The following PKHD1 variants were observed in gnomAD, a reference collection of about 807,000 sequenced individuals.
PKHD1 encodes the protein PKHD1 ciliary IPT domain containing fibrocystin/polyductin, also known as fibrocystin.
In PKHD1, 291 loss-of-function variants were observed where a neutral mutation model predicts 412.0. The ratio of observed to expected loss-of-function variants is 0.71; its 90% CI spans 0.64 to 0.78. The LOEUF (loss-of-function observed/expected upper bound fraction) is 0.78, where lower values mean the gene tolerates loss of function less well. Ranked by LOEUF, PKHD1 falls within the 30% of genes least tolerant of loss-of-function variation. The pLI, the probability that PKHD1 is intolerant of heterozygous loss-of-function variation, is 0.00. For missense variants in PKHD1, 4,825 were observed against 4,950.7 expected, an observed-to-expected ratio of 0.97 and a Z score of 0.76; for synonymous variants, 1,777 against 1,821.5, an observed-to-expected ratio of 0.98 and a Z score of 0.62.
chr6:52,079,953 C>T lies in PKHD1; in HGVS notation c.337G>A (p.Gly113Arg). ...GLYFLEAYFG[G>R]QLVSSPNPGP... ...GGATTTGGACTGCTTACCAGCTGTC[C>T]CCCGAAGTATGCTTCCAGGAAGTAC... Residue 113 changes from glycine (G) to arginine (R), a missense_variant, in exon 5 of 67, where the codon GGA (glycine) becomes AGA (arginine). Coordinates refer to ENST00000371117, the MANE Select transcript of PKHD1 (RefSeq NM_138694.4). 1 of 1,612,358 alleles carries T rather than the reference C, an allele frequency of 6.2e-7. No individual in the cohort carries two copies. Among genetic ancestry groups the T allele is most frequent in the Non-Finnish European group, 8.5e-7 (1 of 1,178,490 alleles).
At chr6:51,960,169 A>C in intron 35 of PKHD1, 143 bp from the exon 36 acceptor site, 1 of 751,146 alleles carries the variant, frequency 1.3e-6, no homozygotes, top group Non-Finnish European at 2.3e-6. Context: ...TCAAAATAGA[A>C]ACTTCTCAAA....
In PKHD1 at chr6:52,042,892, C is replaced by G. The variant is rs1257425837; in HGVS notation, c.3064G>C (p.Asp1022His). Residue 1022 changes from aspartate to histidine, a missense_variant, in exon 27 of 67, where the codon GAT (aspartate) becomes CAT (histidine). Physicochemically the swap from Asp to His is moderately conservative, Grantham distance 81 (BLOSUM62 -1). Transcript: ENST00000371117. ...DLFLNVKPRL[D>H]MVEPSRAADI... ...GCAGCTCTGGAAGGCTCCACCATAT[C>G]CAGTCTAGGTTTCACATTTAGGAAG... is the stretch of plus-strand genomic sequence containing the variant. 2 of 1,613,950 alleles carry G rather than the reference C, an allele frequency of 1.2e-6. No individual in the cohort carries two copies. The highest frequency in any genetic ancestry group is 1.7e-5 in the Admixed American group (1 of 59,996).
chr6:51,770,037 TA>T (rs1171640946), intron 55 of PKHD1, among the ~76,000 whole-genome samples: 1 of 151,620 alleles, frequency 6.6e-6, no homozygotes, highest in East Asian at 1.9e-4. Context: ...TATGGATATA[TA>T]TTTTTTAGGG....
chr6:51,903,685 A>G lies in PKHD1; in HGVS notation c.6908T>C (p.Ile2303Thr). ...GAGTCCCTCGGCACCAGAAACCTGGATGATCACGTTGTTTCTTATTATATT... is the reference window on the plus strand; with the variant it reads ...GAGTCCCTCGGCACCAGAAACCTGGGTGATCACGTTGTTTCTTATTATATT... ...HGNIIRNNVI[I>T]QVSGAEGLSN... is the part of the protein sequence containing the mutation. Residue 2303 changes from isoleucine to threonine, a missense_variant, in exon 43 of 67, where the codon ATC (isoleucine) becomes ACC (threonine). Coordinates refer to ENST00000371117, the MANE Select transcript of PKHD1 (RefSeq NM_138694.4). The G allele has an allele frequency of 6.2e-7, 1 of 1,611,312 alleles. No homozygotes were observed. Among genetic ancestry groups the G allele is most frequent in the Non-Finnish European group, 8.5e-7 (1 of 1,177,710 alleles).
At chr6:51,687,767 C>T (rs9382003) in intron 60 of PKHD1, among the ~76,000 whole-genome samples, 1 of 152,136 alleles carries the variant, frequency 6.6e-6, no homozygotes, top group Non-Finnish European at 1.5e-5. Context: ...TAACATGATG[C>T]TCTTGGTGTT....
chr6:52,001,639 G>T lies in PKHD1; in HGVS notation c.5751+8670C>A, dbSNP rs1798411281. On this transcript the variant is annotated intron_variant, in intron 35 of 66. Transcript: ENST00000371117. ...GTAGAGACGGGGTTTCACCGTGTTA[G>T]CCAGGATGGTCTCGATCTCCTGACC... is the stretch of plus-strand genomic sequence containing the variant. Among the ~76,000 whole-genome samples, 4 of 151,970 alleles carry T rather than the reference G, an allele frequency of 2.6e-5. No homozygotes were observed. In the South Asian group the frequency reaches 8.3e-4, roughly 32 times the overall value.
In PKHD1 at chr6:51,847,881, T is replaced by C. The variant is rs147366150; in HGVS notation, c.8001A>G (p.Arg2667=). 1.2e-5 allele frequency: 19 copies of C among 1,613,704 alleles called. No homozygotes were observed. The highest frequency in any genetic ancestry group is 1.0e-5 in the Non-Finnish European group (12 of 1,179,652). ...DLPPYPDILL[R]CGSRVGLSFP... is the part of the protein sequence containing the mutation. ...AAGACAGACCCACTCGACTCCCACA[T>C]CTTAGGAGGATGTCAGGGTAAGGCG... The change falls in exon 50 of 67, where the codon AGA becomes AGG. Residue 2667 remains arginine (R), a synonymous_variant. Transcript: ENST00000371117.
rs1346427512 is a variant in PKHD1, at chr6:51,847,979, G to A, written c.7912-9C>T. 1 of 1,602,382 alleles carries A rather than the reference G, an allele frequency of 6.2e-7. No homozygotes were observed. Among genetic ancestry groups the A allele is most frequent in the Admixed American group, 1.7e-5 (1 of 59,978 alleles). ...TCAAAGGTTGCTGAGTACTTGAAGTGAAAGAAAAACACAATAGTGCTCATT... is the reference window on the plus strand; with the variant it reads ...TCAAAGGTTGCTGAGTACTTGAAGTAAAAGAAAAACACAATAGTGCTCATT... On this transcript the variant is annotated splice_polypyrimidine_tract_variant and intron_variant, in intron 49 of 66. Coordinates refer to ENST00000371117, the MANE Select transcript of PKHD1 (RefSeq NM_138694.4).
chr6:51,940,934 T>G (rs2127803563), intron 36 of PKHD1, among the ~76,000 whole-genome samples: 1 of 151,610 alleles, frequency 6.6e-6, no homozygotes, highest in South Asian at 2.1e-4. Flanking sequence ...CCCAGTTCCC[T>G]TATTAGGCCG....
At chr6:52,031,526 T>C (rs1242139884) in intron 29 of PKHD1, among the ~76,000 whole-genome samples, 1 of 152,258 alleles carries the variant, frequency 6.6e-6, no homozygotes, top group Non-Finnish European at 1.5e-5. Flanking sequence ...CTGTTAAATT[T>C]AATTTCTTGA....
chr6:52,064,654 T>G (rs2128221362), intron 13 of PKHD1, among the ~76,000 whole-genome samples: 1 of 151,994 alleles, frequency 6.6e-6, no homozygotes, highest in South Asian at 2.1e-4. Context: ...AGTTTGGGGG[T>G]TTCTTCCAGT....
chr6:52,041,430 C>T (rs1274474947), intron 27 of PKHD1, among the ~76,000 whole-genome samples: 1 of 152,098 alleles, frequency 6.6e-6, no homozygotes, highest in African/African-American at 2.4e-5. Context: ...ACTTTAAGGA[C>T]CAAGGTCTTC....
rs143364541 is a variant in PKHD1 at position 52,015,894 on chromosome 6, T to C, written c.5600+1516A>G. On this transcript the variant is annotated intron_variant, in intron 34 of 66. Coordinates refer to ENST00000371117, the MANE Select transcript of PKHD1 (RefSeq NM_138694.4). Reference sequence around the variant, plus strand: ...ATAGCCAGAACATTGAGCAGCACTATTGAAATGATATTCATAGGTAAAGCT... The same window carrying C: ...ATAGCCAGAACATTGAGCAGCACTACTGAAATGATATTCATAGGTAAAGCT... Among the ~76,000 whole-genome samples, 141 of 152,304 alleles carry C rather than the reference T, an allele frequency of 9.3e-4. 4 individuals are homozygous for C. Among genetic ancestry groups the C allele is most frequent in the African/African-American group, 2.9e-3 (119 of 41,564 alleles).
Position 51,626,832 on chromosome 6 carries a change from C to T in PKHD1, c.11785+165G>A, listed in dbSNP as rs186493508. On this transcript the variant is annotated intron_variant, in intron 66 of 66. Transcript: ENST00000371117. ...GAATAGCTGAGTGAACCAGCCAGACCTGTGTATTTTTCTGCTGGGGTATAA... is the reference window on the plus strand; with the variant it reads ...GAATAGCTGAGTGAACCAGCCAGACTTGTGTATTTTTCTGCTGGGGTATAA... 5.3e-5 allele frequency among the ~76,000 whole-genome samples: 8 copies of T among 152,206 alleles called. No individual in the cohort carries two copies. In the South Asian group the frequency reaches 1.2e-3, roughly 24 times the overall value.
chr6:51,946,022 T>C (rs1789408686), intron 36 of PKHD1, among the ~76,000 whole-genome samples: 1 of 152,214 alleles, frequency 6.6e-6, no homozygotes, highest in Non-Finnish European at 1.5e-5. Flanking sequence ...CTTGTCTTTT[T>C]CCAAAAAGGA....
At chr6:51,625,221 G>A (rs1767085369) in intron 66 of PKHD1, among the ~76,000 whole-genome samples, 1 of 152,000 alleles carries the variant, frequency 6.6e-6, no homozygotes, top group African/African-American at 2.4e-5. Flanking sequence ...GCAAAGTGCT[G>A]GAGAGAGAGA....
In PKHD1 at chr6:51,870,815, T is replaced by C. The variant is rs2064871; in HGVS notation, c.7351-176A>G. Among the ~76,000 whole-genome samples the C allele has an allele frequency of 0.41, 61,477 of 151,698 alleles. 13,655 individuals are homozygous for C. The highest frequency in any genetic ancestry group is 0.85 in the East Asian group (4,398 of 5,164). On this transcript the variant is annotated intron_variant, in intron 46 of 66. Transcript: ENST00000371117. ...ATATCCAGAATATAGAAAGAACTCT[T>C]AGGTTTCAACAGCAAGAAAATAGAC...
At chr6:51,806,237 G>A (rs567990872) in intron 52 of PKHD1, among the ~76,000 whole-genome samples, 24 of 152,168 alleles carry the variant, frequency 1.6e-4, no homozygotes, top group African/African-American at 4.8e-4. Flanking sequence ...AAAAAAAGAG[G>A]CATTCTAGTG....
At position 51,848,039 on chromosome 6, in the gene PKHD1, A is replaced by G. The variant is rs1163494529; in HGVS notation, c.7912-69T>C. The G allele has an allele frequency of 3.8e-6, 4 of 1,041,628 alleles. No homozygotes were observed. The African/African-American group carries it at 6.3e-5, about 16-fold the overall frequency. 64.5% of individuals were successfully genotyped at this position (1,041,628 alleles called of 1,614,324 possible). On this transcript the variant is annotated intron_variant, in intron 49 of 66. Coordinates refer to ENST00000371117, the MANE Select transcript of PKHD1 (RefSeq NM_138694.4). ...ACCCCATCATTCCACCTACTCCACC[A>G]CACCACCCTGCCAAAACAACTACAG...
Sources: allele counts gnomAD v4.1 joint callset (sites outside exome capture counted in the v4.1 genomes callset), GRCh38; gene constraint gnomAD v4.1.1; transcripts MANE v1.5; gene names NCBI Gene and HGNC (gene_info 2026-07-23, HGNC 2026-07-21).